The following DLG3 variants were observed in gnomAD, a reference collection of about 807,000 sequenced individuals.
DLG3 encodes the protein disks large homolog 3.
DLG3 carries 1 observed loss-of-function variant against 64.1 expected under a neutral mutation model. The observed-to-expected ratio is 0.02, with a 90% CI of 0.01 to 0.07. The LOEUF (loss-of-function observed/expected upper bound fraction) is 0.07. Among genes scored for constraint, DLG3 ranks in the 10% least tolerant of loss-of-function variants. The pLI, the probability that DLG3 is intolerant of heterozygous loss-of-function variation, is 1.00. For synonymous variants in DLG3, 245 were observed against 259.8 expected (o/e 0.94, Z 0.55); for missense variants, 429 against 669.5 (o/e 0.64, Z 3.96).
intron 9 of DLG3, among the ~76,000 whole-genome samples, chrX:70,459,881 C>T (rs767135261): frequency 9.0e-6 from 1 of 110,987 alleles, no homozygotes; most frequent in African/African-American, 3.3e-5. Flanking sequence ...GAGTCCAGGG[C>T]TTTTGTCACC....
intron 9 of DLG3, among the ~76,000 whole-genome samples, chrX:70,458,817 G>A (rs975954250): frequency 8.9e-6 from 1 of 112,472 alleles, no homozygotes; most frequent in African/African-American, 3.2e-5. Flanking sequence ...TGCTCTAAAC[G>A]GTTATGGACA....
intron 9 of DLG3, among the ~76,000 whole-genome samples, chrX:70,472,504 G>T (rs1413387170): frequency 9.1e-6 from 1 of 110,364 alleles, no homozygotes; most frequent in Non-Finnish European, 1.9e-5. Context: ...GCAGTGAGCC[G>T]AGATCACACC....
intron 1 of DLG3, among the ~76,000 whole-genome samples, chrX:70,445,778 A>G (rs1409306664): frequency 3.8e-5 from 3 of 78,615 alleles, no homozygotes; most frequent in African/African-American, 1.6e-4. Context: ...GCCGTGTGTC[A>G]GGGGGTAAGG....
At chrX:70,474,537 G>A (rs897894407) in intron 9 of DLG3, among the ~76,000 whole-genome samples, 2 of 110,681 alleles carry the variant, frequency 1.8e-5, no homozygotes, top group Admixed American at 9.7e-5. Context: ...TGGTTTTCAA[G>A]TTGGGGGCAG....
rs183460806 is a variant in DLG3 at position 70,456,790 on chromosome X, A to G, written c.1405+2474A>G. Among the ~76,000 whole-genome samples the G allele has an allele frequency of 3.6e-5, 4 of 110,195 alleles. No individual in the cohort carries two copies. In the East Asian group the frequency reaches 8.6e-4, roughly 24 times the overall value. Reference sequence around the variant, plus strand: ...CCCTTTTGAAAACAGATCCCTGGAGACTGGTCCAGAGGGACTGTCAAGCAT... The same window carrying G: ...CCCTTTTGAAAACAGATCCCTGGAGGCTGGTCCAGAGGGACTGTCAAGCAT... On this transcript the variant is annotated intron_variant, in intron 9 of 18. Transcript: ENST00000374360.
intron 12 of DLG3, chrX:70,493,326 G>GTTTTTTTTTTTTTTT: frequency 1.1e-6 from 1 of 901,617 alleles, no homozygotes; most frequent in Non-Finnish European, 1.5e-6. Context: ...CCATTGTTCT[G>GTTTTTTTTTTTTTTT]TTTTTTTTTT....
intron 9 of DLG3, chrX:70,455,239 G>C: frequency 2.6e-6 from 2 of 754,904 alleles, no homozygotes; most frequent in Non-Finnish European, 3.1e-6. Flanking sequence ...CTCAGCACTA[G>C]ATCTGGACTC....
chrX:70,500,079 G>T, intron 16 of DLG3, 30 bp downstream of exon 16: 2 of 1,165,090 alleles, frequency 1.7e-6, no homozygotes, highest in South Asian at 3.7e-5. Flanking sequence ...CCTCAAAGGG[G>T]AGGCCAATGC....
intron 9 of DLG3, among the ~76,000 whole-genome samples, chrX:70,463,226 C>T (rs2086833871): frequency 8.9e-6 from 1 of 111,839 alleles, no homozygotes; most frequent in African/African-American, 3.2e-5. Flanking sequence ...CAGCTCACTG[C>T]AACCTCTGCC....
chrX:70,499,412 AG>A (rs1234124522), intron 15 of DLG3, 135 bp downstream of exon 15: 1 of 526,396 alleles, frequency 1.9e-6, no homozygotes, highest in Non-Finnish European at 3.3e-6. Flanking sequence ...GCTGGAAAAC[AG>A]TAGGTGGCAA....
At chrX:70,472,036 A>G (rs1346696821) in intron 9 of DLG3, among the ~76,000 whole-genome samples, 1 of 111,826 alleles carries the variant, frequency 8.9e-6, no homozygotes, top group East Asian at 2.8e-4. Context: ...TATCTCAAGC[A>G]CTTATAATCT....
chrX:70,448,430 C>T (rs371055372), intron 1 of DLG3: 28 of 469,359 alleles, frequency 6.0e-5, no homozygotes, highest in East Asian at 2.6e-4. Flanking sequence ...CCTTCCAGTT[C>T]GGACACAGTG....
At chrX:70,451,826 G>A in intron 6 of DLG3, 41 bp from the exon 7 acceptor site, 1 of 1,206,671 alleles carries the variant, frequency 8.3e-7, no homozygotes, top group Non-Finnish European at 1.1e-6. Context: ...GTACCTCCCT[G>A]GACCAGTCTC....
intron 9 of DLG3, among the ~76,000 whole-genome samples, chrX:70,459,342 T>G (rs760725355): frequency 8.9e-6 from 1 of 112,578 alleles, no homozygotes; most frequent in Non-Finnish European, 1.9e-5. Context: ...CTGGAAGAGT[T>G]AGAAATCAGT....
Position 70,502,704 on chromosome X carries a change from G to T in DLG3, c.*435G>T. The T allele has an allele frequency of 7.0e-6, 1 of 142,006 alleles. No homozygotes were observed. Among genetic ancestry groups the T allele is most frequent in the South Asian group, 2.1e-4 (1 of 4,698 alleles). The allele number at this position is 142,006 out of a possible 1,213,427, so 11.7% of individuals were successfully genotyped here. ...CTGGGCATTTCTCCCTATCTGTACT[G>T]CTGTCTTGCAGCTCTGAACGGTGCA... On this transcript the variant is annotated 3_prime_UTR_variant, in exon 19 of 19. Transcript: ENST00000374360.
intron 9 of DLG3, among the ~76,000 whole-genome samples, chrX:70,470,430 C>G (rs755111795): frequency 6.3e-5 from 7 of 111,368 alleles, no homozygotes; most frequent in Admixed American, 4.8e-4. Context: ...AGGGTTTCAC[C>G]ATGTTGGCCA....
At chrX:70,448,201 G>C (rs2086586028) in intron 1 of DLG3, among the ~76,000 whole-genome samples, 1 of 112,299 alleles carries the variant, frequency 8.9e-6, no homozygotes, top group African/African-American at 3.2e-5. Context: ...TCCAAAGTGG[G>C]GCAACTGTCC....
In DLG3 at chrX:70,502,827, C is replaced by T. The variant is rs895358410; in HGVS notation, c.*558C>T. The T allele has an allele frequency of 9.4e-6, 1 of 106,470 alleles. No individual in the cohort carries two copies. Among genetic ancestry groups the T allele is most frequent in the Non-Finnish European group, 1.9e-5 (1 of 52,369 alleles). 8.8% of individuals were successfully genotyped at this position (106,470 alleles called of 1,213,427 possible). Reference sequence around the variant, plus strand: ...TTATTATATATATATATTATACACTCTCATATAATATATATATATTCACAC... The same window carrying T: ...TTATTATATATATATATTATACACTTTCATATAATATATATATATTCACAC... On this transcript the variant is annotated 3_prime_UTR_variant, in exon 19 of 19. Transcript: ENST00000374360.
rs760821246 is a variant in DLG3, at chrX:70,448,618, G to A, written c.358-295G>A. 97 of 1,163,537 alleles carry A rather than the reference G, an allele frequency of 8.3e-5. No individual in the cohort carries two copies. In the Middle Eastern group the frequency reaches 9.3e-4, roughly 11 times the overall value. On this transcript the variant is annotated intron_variant, in intron 1 of 18. Coordinates refer to ENST00000374360, the MANE Select transcript of DLG3 (RefSeq NM_021120.4). ...CCCTCCTAGTGAACCCTGAGACACTGAAGCACAGCCTCTCGGTGAGTGCAC... is the reference window on the plus strand; with the variant it reads ...CCCTCCTAGTGAACCCTGAGACACTAAAGCACAGCCTCTCGGTGAGTGCAC...
Sources: gnomAD v4.1 joint callset for allele counts (sites outside exome capture counted in the v4.1 genomes callset) on GRCh38, gnomAD v4.1.1 for gene constraint, MANE v1.5 for transcripts, NCBI Gene and HGNC (gene_info 2026-07-23, HGNC 2026-07-21) for gene names.